CNTLN: variants seen among roughly 807,000 people sequenced by gnomAD.
CNTLN encodes the protein centlein, centrosomal protein.
In CNTLN, 212 loss-of-function variants were observed where a neutral mutation model predicts 180.0. The observed-to-expected ratio is 1.18, with a 90% CI of 1.05 to 1.32. The LOEUF (loss-of-function observed/expected upper bound fraction) is 1.32. CNTLN is among the 40% of genes most tolerant of loss of function. CNTLN has a pLI of 0.00. For missense variants in CNTLN, 2,095 were observed against 1,610.9 expected (o/e 1.30, Z -5.14); for synonymous variants, 722 against 563.1 (o/e 1.28, Z -3.99).
chr9:17,295,857 G>T lies in CNTLN; in HGVS notation c.984-2333G>T, dbSNP rs367644301. 6.2e-4 allele frequency among the ~76,000 whole-genome samples: 94 copies of T among 152,112 alleles called. 2 individuals are homozygous for T. The South Asian group carries it at 0.019, about 31-fold the overall frequency. ...AGAGTATCCTTCAATTCCACTTATT[G>T]AGAGCATGCCCAGAAAATACCATGA... On this transcript the variant is annotated intron_variant, in intron 6 of 25. Coordinates refer to ENST00000380647, the MANE Select transcript of CNTLN (RefSeq NM_017738.4).
At chr9:17,274,810 T>G (rs938627283) in intron 6 of CNTLN, among the ~76,000 whole-genome samples, 14 of 152,100 alleles carry the variant, frequency 9.2e-5, no homozygotes, top group Non-Finnish European at 1.6e-4. Context: ...GTTAGTGCTG[T>G]TTATGACGTA....
intron 2 of CNTLN, among the ~76,000 whole-genome samples, chr9:17,197,232 G>C (rs1347097588): frequency 1.3e-5 from 2 of 152,236 alleles, no homozygotes; most frequent in East Asian, 3.9e-4. Context: ...TATATTGACT[G>C]TTCTAATTTA....
chr9:17,226,908 C>CT (rs1013675751), intron 3 of CNTLN, among the ~76,000 whole-genome samples: 67 of 151,218 alleles, frequency 4.4e-4, no homozygotes, highest in Non-Finnish European at 8.3e-4. Flanking sequence ...GTGCCACAGA[C>CT]TTTTTTTTAA....
chr9:17,414,901 A>T (rs547073727), intron 16 of CNTLN, among the ~76,000 whole-genome samples: 13 of 152,060 alleles, frequency 8.5e-5, no homozygotes, highest in Non-Finnish European at 1.6e-4. Context: ...ACCAGCCTAG[A>T]CAGTATGGTG....
chr9:17,196,731 G>A (rs111850377), intron 2 of CNTLN, among the ~76,000 whole-genome samples: 1,847 of 150,664 alleles, frequency 0.012, 41 homozygotes, highest in African/African-American at 0.043. Context: ...AATTTATGTG[G>A]GTACATAGTA....
chr9:17,416,923 C>T (rs1413988319), intron 18 of CNTLN, among the ~76,000 whole-genome samples: 1 of 152,110 alleles, frequency 6.6e-6, no homozygotes, highest in Non-Finnish European at 1.5e-5. Context: ...ATCACTGTCT[C>T]ACATAATTTT....
intron 5 of CNTLN, among the ~76,000 whole-genome samples, chr9:17,243,279 C>G (rs1825605746): frequency 1.3e-5 from 2 of 151,966 alleles, no homozygotes; most frequent in African/African-American, 4.8e-5. Context: ...AACCCAGTTT[C>G]TTTTCATTGT....
chr9:17,397,290 A>G (rs980262681), intron 15 of CNTLN, among the ~76,000 whole-genome samples: 1 of 152,222 alleles, frequency 6.6e-6, no homozygotes, highest in Non-Finnish European at 1.5e-5. Context: ...AAATTTACTA[A>G]GAAAGTAAAG....
chr9:17,388,997 A>G (rs1397393495), intron 14 of CNTLN, among the ~76,000 whole-genome samples: 1 of 151,988 alleles, frequency 6.6e-6, no homozygotes, highest in African/African-American at 2.4e-5. Flanking sequence ...ATTTGGCTAC[A>G]TTAGATTGAT....
chr9:17,394,658 A>T lies in CNTLN; in HGVS notation c.2204A>T (p.Asp735Val), dbSNP rs2133723841. 6.2e-7 allele frequency: 1 copy of T among 1,612,894 alleles called. No homozygotes were observed. Among genetic ancestry groups the T allele is most frequent in the East Asian group, 2.2e-5 (1 of 44,872 alleles). The change falls in exon 15 of 26, where the codon GAT (aspartate) becomes GTT (valine). Residue 735 changes from aspartate to valine, a missense_variant. Asp to Val is a radical substitution (Grantham distance 152). Coordinates refer to ENST00000380647, the MANE Select transcript of CNTLN (RefSeq NM_017738.4). Reference protein sequence around the residue: ...LKSLLKQQQEDTETREKELEQ... With the variant: ...LKSLLKQQQEVTETREKELEQ... ...TCCCTCTTAAAACAGCAACAAGAAG[A>T]TACAGAGACCAGAGAAAAAGAGCTA... is the stretch of plus-strand genomic sequence containing the variant.
chr9:17,456,132 C>A (rs147120505), intron 18 of CNTLN, among the ~76,000 whole-genome samples: 2,059 of 152,074 alleles, frequency 0.014, 43 homozygotes, highest in African/African-American at 0.048. Flanking sequence ...ATTTATAGAA[C>A]CTGACGATTG....
intron 2 of CNTLN, among the ~76,000 whole-genome samples, chr9:17,155,613 A>G (rs970149601): frequency 3.3e-5 from 5 of 152,006 alleles, no homozygotes; most frequent in African/African-American, 1.2e-4. Flanking sequence ...CCCTTCCCCC[A>G]CCAACCTTGA....
At chr9:17,215,258 T>C (rs1009366502) in intron 2 of CNTLN, among the ~76,000 whole-genome samples, 2 of 152,246 alleles carry the variant, frequency 1.3e-5, no homozygotes, top group Non-Finnish European at 2.9e-5. Flanking sequence ...TGTTTGTTAG[T>C]TCTCCTTCTA....
chr9:17,198,948 G>T (rs1822325973), intron 2 of CNTLN, among the ~76,000 whole-genome samples: 1 of 152,048 alleles, frequency 6.6e-6, no homozygotes, highest in African/African-American at 2.4e-5. Flanking sequence ...ATTTAGGTTG[G>T]TTCCAAGTCT....
Position 17,264,365 on chromosome 9 carries a change from G to A in CNTLN, c.850-9368G>A, listed in dbSNP as rs1196857048. ...GATCAGATAGTTGTAGATATGCAGC[G>A]TTATTTCTGAGGGCTCTGTTCTGTT... is the stretch of plus-strand genomic sequence containing the variant. On this transcript the variant is annotated intron_variant, in intron 5 of 25. Transcript: ENST00000380647. Among the ~76,000 whole-genome samples, 52 of 150,978 alleles carry A rather than the reference G, an allele frequency of 3.4e-4. 1 individual carries two copies. The highest frequency in any genetic ancestry group is 3.5e-3 in the Middle Eastern group (1 of 288).
chr9:17,268,047 A>G (rs910980783), intron 5 of CNTLN, among the ~76,000 whole-genome samples: 2 of 152,094 alleles, frequency 1.3e-5, no homozygotes, highest in African/African-American at 2.4e-5. Flanking sequence ...TGTCAAAGTC[A>G]TTCTCCATCC....
intron 5 of CNTLN, among the ~76,000 whole-genome samples, chr9:17,244,016 G>T (rs1039029261): frequency 1.3e-5 from 2 of 151,772 alleles, no homozygotes; most frequent in South Asian, 4.2e-4. Context: ...ATTTATATTT[G>T]TTATATTCTT....
At chr9:17,269,765 A>T (rs1827799468) in intron 5 of CNTLN, among the ~76,000 whole-genome samples, 1 of 152,044 alleles carries the variant, frequency 6.6e-6, no homozygotes, top group African/African-American at 2.4e-5. Context: ...TTATTCTTTT[A>T]GTTCCATTTG....
chr9:17,159,137 A>C (rs1164606267), intron 2 of CNTLN, among the ~76,000 whole-genome samples: 1 of 152,008 alleles, frequency 6.6e-6, no homozygotes, highest in Non-Finnish European at 1.5e-5. Flanking sequence ...TCAGTTTTCC[A>C]ATTTTGATTC....
Sources: allele counts gnomAD v4.1 joint callset (sites outside exome capture counted in the v4.1 genomes callset), GRCh38; gene constraint gnomAD v4.1.1; transcripts MANE v1.5; gene names NCBI Gene and HGNC (gene_info 2026-07-23, HGNC 2026-07-21).